BCL2: variants seen among roughly 807,000 people sequenced by gnomAD.
The protein encoded by BCL2 is apoptosis regulator Bcl-2.
A neutral mutation model predicts 14.2 loss-of-function variants in BCL2; 1 was observed. The ratio of observed to expected loss-of-function variants is 0.07; its 90% CI spans 0.02 to 0.33. The LOEUF is 0.33. BCL2 is among the 10% of genes least tolerant of loss of function. BCL2 has a pLI of 0.99. For synonymous variants in BCL2, 151 were observed against 137.2 expected (o/e 1.10, Z -0.70); for missense variants, 247 against 305.9 (o/e 0.81, Z 1.44).
intron 2 of BCL2, among the ~76,000 whole-genome samples, chr18:63,293,056 C>T (rs540744421): frequency 2.6e-5 from 4 of 152,306 alleles, no homozygotes; most frequent in East Asian, 1.9e-4. Context: ...CTTCATGCAA[C>T]GTGCAAGATG....
At chr18:63,160,280 G>A (rs944564587) in intron 2 of BCL2, among the ~76,000 whole-genome samples, 6 of 152,206 alleles carry the variant, frequency 3.9e-5, no homozygotes, top group African/African-American at 1.2e-4. Flanking sequence ...ACAAGTCTGC[G>A]GGATTGGGTC....
At chr18:63,266,250 G>T (rs1911820096) in intron 2 of BCL2, among the ~76,000 whole-genome samples, 1 of 151,826 alleles carries the variant, frequency 6.6e-6, no homozygotes, top group Non-Finnish European at 1.5e-5. Context: ...AGAAGAGGAA[G>T]CTCTTAATAT....
intron 2 of BCL2, among the ~76,000 whole-genome samples, chr18:63,211,244 G>C (rs1375419709): frequency 6.6e-6 from 1 of 151,732 alleles, no homozygotes; most frequent in African/African-American, 2.4e-5. Flanking sequence ...TTTCAGTAGA[G>C]ACGGGATTTC....
At chr18:63,312,778 A>G (rs1254072715) in intron 2 of BCL2, among the ~76,000 whole-genome samples, 6 of 152,236 alleles carry the variant, frequency 3.9e-5, no homozygotes, top group African/African-American at 1.2e-4. Flanking sequence ...TCTTCAAATT[A>G]CCCTGTTCCA....
At chr18:63,304,451 C>T (rs1452912187) in intron 2 of BCL2, among the ~76,000 whole-genome samples, 1 of 152,066 alleles carries the variant, frequency 6.6e-6, no homozygotes, top group African/African-American at 2.4e-5. Context: ...AAGAGGAGCC[C>T]AGTGTTATTT....
intron 2 of BCL2, among the ~76,000 whole-genome samples, chr18:63,139,959 C>T (rs62100177): frequency 0.25 from 37,327 of 152,018 alleles, 5,020 homozygotes; most frequent in Non-Finnish European, 0.31. Flanking sequence ...ACAATAAAAA[C>T]GTAAGTAGCT....
intron 2 of BCL2, chr18:63,208,041 C>T (rs1909889524): frequency 6.6e-6 from 1 of 152,214 alleles, no homozygotes; most frequent in Non-Finnish European, 1.5e-5. Flanking sequence ...CCTGGTCCTA[C>T]CACCTGGCGA....
chr18:63,256,112 G>T (rs1049688178), intron 2 of BCL2, among the ~76,000 whole-genome samples: 7 of 152,158 alleles, frequency 4.6e-5, no homozygotes, highest in Non-Finnish European at 1.0e-4. Context: ...TTTAGTCAGA[G>T]AAGATTAGAA....
intron 2 of BCL2, among the ~76,000 whole-genome samples, chr18:63,243,217 T>C (rs1469621850): frequency 6.6e-6 from 1 of 152,212 alleles, no homozygotes; most frequent in East Asian, 1.9e-4. Flanking sequence ...TGCAGGAACA[T>C]GGATGGAGCT....
chr18:63,198,195 C>G (rs377717395), intron 2 of BCL2, among the ~76,000 whole-genome samples: 46 of 150,854 alleles, frequency 3.0e-4, no homozygotes, highest in Middle Eastern at 3.4e-3. Flanking sequence ...CACACACACA[C>G]AGAGACACAC....
intron 2 of BCL2, among the ~76,000 whole-genome samples, chr18:63,296,190 C>T (rs1197965720): frequency 2.1e-4 from 32 of 152,136 alleles, no homozygotes. Flanking sequence ...TATTTCCATG[C>T]ATAAATTTTA....
intron 2 of BCL2, among the ~76,000 whole-genome samples, chr18:63,167,863 T>G (rs1270782384): frequency 4.0e-5 from 6 of 151,126 alleles, no homozygotes; most frequent in Admixed American, 6.6e-5. Context: ...GAGGCAGAGG[T>G]TGCAGTGAGC....
intron 2 of BCL2, among the ~76,000 whole-genome samples, chr18:63,203,021 C>T (rs570795776): frequency 3.3e-5 from 5 of 152,322 alleles, no homozygotes; most frequent in Admixed American, 2.6e-4. Flanking sequence ...CTGTGCATGT[C>T]GGACCTGTCA....
intron 2 of BCL2, among the ~76,000 whole-genome samples, chr18:63,223,041 A>G (rs1910444692): frequency 2.0e-5 from 3 of 152,236 alleles, no homozygotes; most frequent in Admixed American, 2.0e-4. Context: ...TGGATCCTCC[A>G]AAGGCTCAGG....
chr18:63,296,002 A>G (rs995610990), intron 2 of BCL2, among the ~76,000 whole-genome samples: 5 of 152,006 alleles, frequency 3.3e-5, no homozygotes, highest in Non-Finnish European at 4.4e-5. Context: ...CCCTTCCCCA[A>G]TGGGCCTCAA....
intron 2 of BCL2, among the ~76,000 whole-genome samples, chr18:63,228,297 G>A (rs1327265685): frequency 6.6e-6 from 1 of 152,152 alleles, no homozygotes; most frequent in Non-Finnish European, 1.5e-5. Context: ...ATGAATTTTG[G>A]TGGGACACAA....
intron 2 of BCL2, among the ~76,000 whole-genome samples, chr18:63,212,339 CA>C (rs1258872738): frequency 5.3e-5 from 8 of 149,538 alleles, no homozygotes; most frequent in African/African-American, 2.0e-4. Context: ...AACAAACAAA[CA>C]AACAACAACA....
intron 2 of BCL2, among the ~76,000 whole-genome samples, chr18:63,157,791 C>T (rs189743275): frequency 6.6e-6 from 1 of 152,140 alleles, no homozygotes; most frequent in Non-Finnish European, 1.5e-5. Flanking sequence ...CCACTGCTCC[C>T]GCAGGAGTTT....
rs534181089 is a variant in BCL2, at chr18:63,198,407, CACAT to C, written c.586-69652_586-69649del. Reference sequence around the variant, plus strand: ...ACAGACACCCATTGACACACAGACACACATAGACACAGAGACACACACAGACACA... The same window carrying C: ...ACAGACACCCATTGACACACAGACACAGACACAGAGACACACACAGACACA... On this transcript the variant is annotated intron_variant, in intron 2 of 2. Coordinates refer to ENST00000333681, the MANE Select transcript of BCL2 (RefSeq NM_000633.3). Among the ~76,000 whole-genome samples the C allele has an allele frequency of 3.3e-3, 499 of 149,242 alleles. 3 individuals carry two copies. Among genetic ancestry groups the C allele is most frequent in the African/African-American group, 0.011 (462 of 40,284 alleles).
Sources: gnomAD v4.1 joint callset for allele counts (sites outside exome capture counted in the v4.1 genomes callset) on GRCh38, gnomAD v4.1.1 for gene constraint, MANE v1.5 for transcripts, NCBI Gene and HGNC (gene_info 2026-07-23, HGNC 2026-07-21) for gene names.